RND3: variants seen among roughly 807,000 people sequenced by gnomAD.
RND3 encodes the protein Rho family GTPase 3.
A neutral mutation model predicts 26.5 loss-of-function variants in RND3; 8 were observed. That is an observed-to-expected ratio of 0.30 (90% CI 0.18 to 0.54). The LOEUF (loss-of-function observed/expected upper bound fraction) is 0.54, where lower values mean the gene tolerates loss of function less well. RND3 is among the 20% of genes least tolerant of loss of function. The probability of loss-of-function intolerance (pLI) is 0.94; values close to 1 mark genes in which losing one functional copy is unlikely to be tolerated. For synonymous variants in RND3, 113 were observed against 113.0 expected (o/e 1.00, Z 0.00); for missense variants, 207 against 302.8 (o/e 0.68, Z 2.35).
chr2:150,471,780 A>G lies in RND3; in HGVS notation c.349-19T>C, dbSNP rs1196377979. On this transcript the variant is annotated intron_variant, in intron 4 of 5. Transcript: ENST00000263895. ...CTTTCCACTATGAAAGAAAAAAAAAAAAGATTAAAAATGAACAAAGTAACG... is the reference window on the plus strand; with the variant it reads ...CTTTCCACTATGAAAGAAAAAAAAAGAAGATTAAAAATGAACAAAGTAACG... 6.3e-7 allele frequency: 1 copy of G among 1,590,638 alleles called. No individual in the cohort carries two copies. The highest frequency in any genetic ancestry group is 2.2e-5 in the East Asian group (1 of 44,732).
intron 4 of RND3, among the ~76,000 whole-genome samples, chr2:150,472,244 G>A (rs1686098595): frequency 6.6e-6 from 1 of 152,160 alleles, no homozygotes; most frequent in South Asian, 2.1e-4. Context: ...ACTGAAGCAT[G>A]CCACCACGAG....
intron 3 of RND3, among the ~76,000 whole-genome samples, chr2:150,478,197 A>G (rs1686198764): frequency 6.6e-6 from 1 of 152,054 alleles, no homozygotes. Flanking sequence ...AGGATAAAAA[A>G]AAAAACAAAG....
At chr2:150,470,687 A>G (rs546401796) in intron 5 of RND3, among the ~76,000 whole-genome samples, 3 of 152,298 alleles carry the variant, frequency 2.0e-5, no homozygotes, top group African/African-American at 7.2e-5. Flanking sequence ...AGAGAAGCTT[A>G]CTAGTGAAGT....
At chr2:150,482,896 C>T (rs952878982) in intron 3 of RND3, among the ~76,000 whole-genome samples, 1 of 152,112 alleles carries the variant, frequency 6.6e-6, no homozygotes, top group African/African-American at 2.4e-5. Flanking sequence ...ATGAAATACA[C>T]GCTAAACCAG....
intron 3 of RND3, among the ~76,000 whole-genome samples, chr2:150,477,614 C>G (rs1172961862): frequency 2.0e-5 from 3 of 152,142 alleles, no homozygotes; most frequent in African/African-American, 7.2e-5. Flanking sequence ...CTACTAAAAT[C>G]AAGTGGGCTG....
intron 4 of RND3, among the ~76,000 whole-genome samples, chr2:150,473,766 A>G (rs549776219): frequency 6.6e-6 from 1 of 152,362 alleles, no homozygotes; most frequent in Non-Finnish European, 1.5e-5. Context: ...GCAATCAAAT[A>G]TAATAGGGGA....
chr2:150,486,661 G>A lies in RND3; in HGVS notation c.238+33C>T. 6.7e-7 allele frequency: 1 copy of A among 1,487,386 alleles called. No homozygotes were observed. The highest frequency in any genetic ancestry group is 1.7e-5 in the Admixed American group (1 of 59,862). The allele number at this position is 1,487,386 out of a possible 1,614,324, so 92.1% of individuals were successfully genotyped here. A position where few individuals can be genotyped will look rare whatever the true frequency, so the allele number is the denominator to read the frequency against. ...CGCATCCCCCAGCGACTGGAAACCC[G>A]CCCCAAGCGCCACGCGGTCCTCCCA... On this transcript the variant is annotated intron_variant, in intron 3 of 5. Transcript: ENST00000263895. This position sits in a 1 kb window ranked among gnomAD's most constrained non-coding sequence, Gnocchi z 4.5.
chr2:150,483,172 A>G (rs780328353), intron 3 of RND3, among the ~76,000 whole-genome samples: 2 of 152,190 alleles, frequency 1.3e-5, no homozygotes, highest in Non-Finnish European at 2.9e-5. Flanking sequence ...CTCACATCCA[A>G]ATTGGCAGAG....
At chr2:150,471,326 A>C (rs1185444635) in intron 5 of RND3, among the ~76,000 whole-genome samples, 2 of 152,202 alleles carry the variant, frequency 1.3e-5, no homozygotes, top group African/African-American at 4.8e-5. Flanking sequence ...TGTACTGCCG[A>C]CTGTAAAATC....
chr2:150,486,794 A>G lies in RND3; in HGVS notation c.151-13T>C. On this transcript the variant is annotated splice_polypyrimidine_tract_variant and intron_variant, in intron 2 of 5. Transcript: ENST00000263895. This position sits in a 1 kb window ranked among gnomAD's most constrained non-coding sequence, Gnocchi z 4.5. ...TAGGAACGTAATTCTGGATAGACAAAATGGGCAAAAGAGGAAGGAAAGAGG... is the reference window on the plus strand; with the variant it reads ...TAGGAACGTAATTCTGGATAGACAAGATGGGCAAAAGAGGAAGGAAAGAGG... 1 of 1,591,804 alleles carries G rather than the reference A, an allele frequency of 6.3e-7. No homozygotes were observed. Among genetic ancestry groups the G allele is most frequent in the Non-Finnish European group, 8.6e-7 (1 of 1,159,600 alleles).
At chr2:150,481,370 A>C (rs1288604242) in intron 3 of RND3, among the ~76,000 whole-genome samples, 1 of 152,170 alleles carries the variant, frequency 6.6e-6, no homozygotes, top group Non-Finnish European at 1.5e-5. Context: ...TGGGTATTCA[A>C]AGAAGGTTGT....
Position 150,470,169 on chromosome 2 carries a change from T to C in RND3, c.553A>G (p.Ser185Gly). ...IECSALQSEN[S>G]VRDIFHVATL... The stretch of plus-strand genomic sequence containing the variant: ...GCAACGTGAAAAATGTCTCTGACGC[T>C]ATTTTCCGACTGTAAAGCTGAGCAT... The change falls in exon 6 of 6, where the codon AGC (serine) becomes GGC (glycine). Residue 185 changes from serine to glycine, a missense_variant. Coordinates refer to ENST00000263895, the MANE Select transcript of RND3 (RefSeq NM_005168.5). The C allele has an allele frequency of 6.2e-7, 1 of 1,614,026 alleles. No homozygotes were observed. The highest frequency in any genetic ancestry group is 8.5e-7 in the Non-Finnish European group (1 of 1,179,920).
intron 3 of RND3, among the ~76,000 whole-genome samples, chr2:150,484,909 G>A (rs1255429385): frequency 2.0e-5 from 3 of 152,160 alleles, no homozygotes; most frequent in Non-Finnish European, 4.4e-5. Flanking sequence ...CAGGGCTGCC[G>A]GTTGGGGCAG....
intron 3 of RND3, among the ~76,000 whole-genome samples, chr2:150,481,647 A>C (rs1686272317): frequency 6.6e-6 from 1 of 152,098 alleles, no homozygotes. Flanking sequence ...TGCACACAGA[A>C]AGCACTAAAC....
At chr2:150,478,097 C>G (rs1686196873) in intron 3 of RND3, among the ~76,000 whole-genome samples, 1 of 151,914 alleles carries the variant, frequency 6.6e-6, no homozygotes, top group African/African-American at 2.4e-5. Flanking sequence ...TCTATTGTCT[C>G]TATTTATTCA....
chr2:150,471,935 G>GTTTTA (rs1686093463), intron 4 of RND3, 174 bp from the exon 5 acceptor site: 2 of 580,266 alleles, frequency 3.4e-6, no homozygotes, highest in Non-Finnish European at 6.1e-6. Flanking sequence ...CAGATGTGAA[G>GTTTTA]TTTTACTACT....
At chr2:150,477,767 A>G (rs754239105) in intron 3 of RND3, among the ~76,000 whole-genome samples, 9 of 152,208 alleles carry the variant, frequency 5.9e-5, no homozygotes, top group Non-Finnish European at 1.3e-4. Flanking sequence ...TAACAGTATA[A>G]GTGAAAATAC....
chr2:150,487,165 T>C (rs1255802574), intron 2 of RND3, 103 bp downstream of exon 2: 26 of 894,876 alleles, frequency 2.9e-5, no homozygotes, highest in South Asian at 7.8e-5. Flanking sequence ...TTTTTCTTTT[T>C]TTTTTTTTTT....
Position 150,486,602 on chromosome 2 carries a change from C to T in RND3, c.238+92G>A. 1.1e-6 allele frequency: 1 copy of T among 908,070 alleles called. No individual in the cohort carries two copies. The highest frequency in any genetic ancestry group is 1.9e-6 in the Non-Finnish European group (1 of 537,232). 56.3% of individuals were successfully genotyped at this position (908,070 alleles called of 1,614,324 possible). On this transcript the variant is annotated intron_variant, in intron 3 of 5. Transcript: ENST00000263895. This position sits in a 1 kb window ranked among gnomAD's most constrained non-coding sequence, Gnocchi z 4.5. Reference sequence around the variant, plus strand: ...GGGAATCCCTTGGGAGGGGCGCAGACGGCTTGTAGCGCGCGGTTTCCCGAG... The same window carrying T: ...GGGAATCCCTTGGGAGGGGCGCAGATGGCTTGTAGCGCGCGGTTTCCCGAG...
Sources: allele counts gnomAD v4.1 joint callset (sites outside exome capture counted in the v4.1 genomes callset), GRCh38; gene constraint gnomAD v4.1.1; non-coding constraint Gnocchi (gnomAD v3.1); transcripts MANE v1.5; gene names NCBI Gene and HGNC (gene_info 2026-07-23, HGNC 2026-07-21).